Variants in ACVR2B observed in about 807,000 individuals in gnomAD.
ACVR2B encodes activin receptor type-2B.
ACVR2B carries 18 observed loss-of-function variants against 65.1 expected under a neutral mutation model. The ratio of observed to expected loss-of-function variants is 0.28; its 90% confidence interval spans 0.19 to 0.41. ACVR2B has a LOEUF of 0.41. Among genes scored for constraint, ACVR2B ranks in the 10% least tolerant of loss-of-function variants. The pLI, the probability that ACVR2B is intolerant of heterozygous loss-of-function variation, is 1.00. For synonymous variants in ACVR2B, 298 were observed against 277.7 expected, an observed-to-expected ratio of 1.07 and a Z score of -0.73; for missense variants, 482 against 682.7, an observed-to-expected ratio of 0.71 and a Z score of 3.28.
At chr3:38,472,324 C>T (rs1341387820) in intron 1 of ACVR2B, among the ~76,000 whole-genome samples, 1 of 152,140 alleles carries the variant, frequency 6.6e-6, no homozygotes, top group Non-Finnish European at 1.5e-5. Flanking sequence ...GGCAGCTGAG[C>T]AGACTCAGGG....
chr3:38,454,457 G>A (rs1709506859), intron 1 of ACVR2B, 83 bp downstream of exon 1: 1 of 1,150,980 alleles, frequency 8.7e-7, no homozygotes, highest in Non-Finnish European at 1.1e-6. Flanking sequence ...CCAACAAAGG[G>A]CGGGCCCGGG....
At chr3:38,472,379 C>T (rs578087160) in intron 1 of ACVR2B, among the ~76,000 whole-genome samples, 81 of 152,296 alleles carry the variant, frequency 5.3e-4, no homozygotes, top group Non-Finnish European at 1.1e-3. Context: ...TGCCTTTCCT[C>T]TCTGGGCAGA....
chr3:38,460,098 C>T (rs1014059251), intron 1 of ACVR2B, among the ~76,000 whole-genome samples: 5 of 152,158 alleles, frequency 3.3e-5, no homozygotes, highest in Non-Finnish European at 1.5e-5. Context: ...ATGTGAAGTG[C>T]TTGCTGAGGT....
At position 38,463,103 on chromosome 3, in the gene ACVR2B, C is replaced by G. The variant is rs75568429; in HGVS notation, c.52+8729C>G. ...GAGACCTGGAGATAACCTCTCGTGC[C>G]TGTGTCTCCTACCTTGTGCCTGAGT... is the stretch of plus-strand genomic sequence containing the variant. On this transcript the variant is annotated intron_variant, in intron 1 of 10. Transcript: ENST00000352511. Among the ~76,000 whole-genome samples, 2,235 of 152,270 alleles carry G rather than the reference C, an allele frequency of 0.015. 112 individuals are homozygous for G. In the East Asian group the frequency reaches 0.16, roughly 11 times the overall value.
chr3:38,492,618 A>G lies in ACVR2B; in HGVS notation c.*9286A>G, dbSNP rs965431790. On this transcript the variant is annotated 3_prime_UTR_variant, in exon 11 of 11. Coordinates refer to ENST00000352511, the MANE Select transcript of ACVR2B (RefSeq NM_001106.4). ...AATAGCTTGTACTACTGAATTAACA[A>G]AAGTTATACTAAAGTATCATGTTTA... 2 of 136,692 alleles carry G rather than the reference A, an allele frequency of 1.5e-5. No homozygotes were observed. The highest frequency in any genetic ancestry group is 1.6e-5 in the Non-Finnish European group (1 of 63,904). 8.5% of individuals were successfully genotyped at this position (136,692 alleles called of 1,614,324 possible).
intron 1 of ACVR2B, chr3:38,454,676 A>G (rs1709512263): frequency 3.7e-6 from 1 of 272,032 alleles, no homozygotes; most frequent in Non-Finnish European, 6.9e-6. Flanking sequence ...CGTGGAACCC[A>G]GGGAAAGAGT....
In ACVR2B at chr3:38,484,461, C is replaced by T. The variant is rs964860685; in HGVS notation, c.*1129C>T. On this transcript the variant is annotated 3_prime_UTR_variant, in exon 11 of 11. Transcript: ENST00000352511. Reference sequence around the variant, plus strand: ...TCGCTGGGGACCCCAGAGTCCTGCACCTCTGGTTCCGCCCCAGGTGGTGAC... The same window carrying T: ...TCGCTGGGGACCCCAGAGTCCTGCATCTCTGGTTCCGCCCCAGGTGGTGAC... The T allele has an allele frequency of 6.6e-6, 1 of 152,260 alleles. No individual in the cohort carries two copies. The highest frequency in any genetic ancestry group is 1.5e-5 in the Non-Finnish European group (1 of 68,070). 9.4% of individuals were successfully genotyped at this position (152,260 alleles called of 1,614,324 possible). A position where few individuals can be genotyped will look rare whatever the true frequency, so the allele number is the denominator to read the frequency against.
rs7640050 is a variant in ACVR2B, at chr3:38,484,373, A to G, written c.*1041A>G. On this transcript the variant is annotated 3_prime_UTR_variant, in exon 11 of 11. Transcript: ENST00000352511. ...TGGAGCAGTTCAGGGAAATGCCCAC[A>G]GGGGATTGTCCTGCACAGATAGGGC... The G allele has an allele frequency of 2.0e-5, 3 of 152,050 alleles. No individual in the cohort carries two copies. The highest frequency in any genetic ancestry group is 2.1e-4 in the South Asian group (1 of 4,830). The allele number at this position is 152,050 out of a possible 1,614,324, so 9.4% of individuals were successfully genotyped here.
chr3:38,456,821 G>A (rs1040756835), intron 1 of ACVR2B, among the ~76,000 whole-genome samples: 1 of 152,066 alleles, frequency 6.6e-6, no homozygotes, highest in African/African-American at 2.4e-5. Flanking sequence ...CAAAGGTCCC[G>A]TCTCCAAATA....
chr3:38,455,404 C>T (rs902756332), intron 1 of ACVR2B, among the ~76,000 whole-genome samples: 9 of 152,168 alleles, frequency 5.9e-5, no homozygotes, highest in African/African-American at 1.9e-4. Context: ...CCCCATTACA[C>T]ATGCAGCGCG....
chr3:38,472,230 T>C (rs1709830680), intron 1 of ACVR2B, among the ~76,000 whole-genome samples: 1 of 152,080 alleles, frequency 6.6e-6, no homozygotes, highest in Admixed American at 6.5e-5. Flanking sequence ...TTTGTGGAGC[T>C]GGGGGCTGTG....
In ACVR2B at chr3:38,486,328, G is replaced by A. The variant is rs1015497816; in HGVS notation, c.*2996G>A. 6.6e-6 allele frequency: 1 copy of A among 152,308 alleles called. No individual in the cohort carries two copies. The highest frequency in any genetic ancestry group is 1.9e-4 in the East Asian group (1 of 5,186). The allele number at this position is 152,308 out of a possible 1,614,324, so 9.4% of individuals were successfully genotyped here. On this transcript the variant is annotated 3_prime_UTR_variant, in exon 11 of 11. Transcript: ENST00000352511. ...TGGTGTAAAGTGCACCCATCAGGTGGTATATCTGGTTCTGATGGCAAGAAG... is the reference window on the plus strand; with the variant it reads ...TGGTGTAAAGTGCACCCATCAGGTGATATATCTGGTTCTGATGGCAAGAAG...
intron 1 of ACVR2B, among the ~76,000 whole-genome samples, chr3:38,455,036 C>T (rs964867732): frequency 2.6e-5 from 4 of 152,140 alleles, no homozygotes; most frequent in African/African-American, 7.2e-5. Context: ...GAAAACCCAA[C>T]AGGTCCCTCT....
At chr3:38,476,446 TC>T (rs1709909079) in intron 1 of ACVR2B, 1 of 152,194 alleles carries the variant, frequency 6.6e-6, no homozygotes, top group Non-Finnish European at 1.5e-5. Flanking sequence ...AGGCATGTAT[TC>T]CCCTTGGTGA....
Position 38,477,809 on chromosome 3 carries a change from G to A in ACVR2B, c.261-52G>A. The A allele has an allele frequency of 6.4e-7, 1 of 1,574,292 alleles. No individual in the cohort carries two copies. Among genetic ancestry groups the A allele is most frequent in the Non-Finnish European group, 8.7e-7 (1 of 1,143,702 alleles). ...GAGGGGTTGGCAGGGCAGGCCTGGG[G>A]GAGTCTTGCATCCCCCAGGTGAGGG... On this transcript the variant is annotated intron_variant, in intron 2 of 10. Transcript: ENST00000352511. This position sits in a 1 kb window ranked among gnomAD's most constrained non-coding sequence, Gnocchi z 6.7.
chr3:38,458,413 A>C (rs1709586125), intron 1 of ACVR2B, among the ~76,000 whole-genome samples: 2 of 152,176 alleles, frequency 1.3e-5, no homozygotes, highest in Admixed American at 1.3e-4. Flanking sequence ...CTGGGAACCT[A>C]CTGCCCCCTG....
chr3:38,472,035 GT>G (rs892840111), intron 1 of ACVR2B, among the ~76,000 whole-genome samples: 2 of 152,120 alleles, frequency 1.3e-5, no homozygotes, highest in Admixed American at 6.5e-5. Flanking sequence ...AATATTTTGG[GT>G]TTTTTTCTCC....
In ACVR2B at chr3:38,453,972, G is replaced by GC. The variant is rs1463247442; in HGVS notation, c.-347dup. 7.1e-6 allele frequency: 1 copy of GC among 141,078 alleles called. No individual in the cohort carries two copies. Among genetic ancestry groups the GC allele is most frequent in the Admixed American group, 6.9e-5 (1 of 14,532 alleles). 8.7% of individuals were successfully genotyped at this position (141,078 alleles called of 1,614,324 possible). Reference sequence around the variant, plus strand: ...CCCCCCACCCCTCCCCCCGTTCATGGCCCCTCCGGACTCGGCCCCTGCGCC... The same window carrying GC: ...CCCCCCACCCCTCCCCCCGTTCATGGCCCCCTCCGGACTCGGCCCCTGCGCC... On this transcript the variant is annotated 5_prime_UTR_variant, in exon 1 of 11. The change creates a premature stop within an existing upstream ORF in the 5' untranslated region. Coordinates refer to ENST00000352511, the MANE Select transcript of ACVR2B (RefSeq NM_001106.4).
intron 1 of ACVR2B, among the ~76,000 whole-genome samples, chr3:38,464,123 A>G (rs1303117315): frequency 6.6e-6 from 1 of 152,258 alleles, no homozygotes; most frequent in Admixed American, 6.5e-5. Context: ...TAGGGCCTCA[A>G]CCTATGAATT....
Sources: gnomAD v4.1 joint callset for allele counts (sites outside exome capture counted in the v4.1 genomes callset) on GRCh38, gnomAD v4.1.1 for gene constraint, Gnocchi (gnomAD v3.1) non-coding constraint, MANE v1.5 for transcripts, NCBI Gene and HGNC (gene_info 2026-07-23, HGNC 2026-07-21) for gene names.